Variants in MYDGF observed in about 807,000 individuals in gnomAD.
The protein encoded by MYDGF is myeloid derived growth factor, also known as myeloid-derived growth factor.
Under a neutral mutation model 24.2 loss-of-function variants are expected in MYDGF, and 29 were observed. The ratio of observed to expected loss-of-function variants is 1.20; its 90% confidence interval spans 0.89 to 1.63. The LOEUF (loss-of-function observed/expected upper bound fraction) is 1.63, where lower values mean the gene tolerates loss of function less well. Among genes scored for constraint, MYDGF ranks in the 40% most tolerant of loss-of-function variants. The probability of loss-of-function intolerance (pLI) is 0.00; values close to 1 mark genes in which losing one functional copy is unlikely to be tolerated. For synonymous variants in MYDGF, 105 were observed against 102.5 expected (o/e 1.02, Z -0.15); for missense variants, 245 against 234.8 (o/e 1.04, Z -0.29).
Position 4,657,864 on chromosome 19 carries a change from T to G in MYDGF, c.*141A>C. ...GGGCTTCAGCCACCCTGCAAGCCCCTCCGGACAAGGCAACGTCAGCCCAGG... is the reference window on the plus strand; with the variant it reads ...GGGCTTCAGCCACCCTGCAAGCCCCGCCGGACAAGGCAACGTCAGCCCAGG... On this transcript the variant is annotated 3_prime_UTR_variant, in exon 6 of 6. Transcript: ENST00000262947. 1.3e-6 allele frequency: 1 copy of G among 763,058 alleles called. No homozygotes were observed. The highest frequency in any genetic ancestry group is 2.8e-5 in the East Asian group (1 of 35,596). The allele number at this position is 763,058 out of a possible 1,614,324, so 47.3% of individuals were successfully genotyped here.
chr19:4,659,746 A>G, intron 5 of MYDGF, 185 bp downstream of exon 5: 1 of 633,762 alleles, frequency 1.6e-6, no homozygotes, highest in Non-Finnish European at 2.8e-6. Flanking sequence ...GCACAGCTCT[A>G]GACAGAACCC....
chr19:4,670,056 C>T, intron 1 of MYDGF, 105 bp downstream of exon 1: 1 of 1,256,376 alleles, frequency 8.0e-7, no homozygotes, highest in Non-Finnish European at 1.0e-6. Context: ...CTTCAGTACC[C>T]ACCTCCGCGG....
intron 1 of MYDGF, among the ~76,000 whole-genome samples, chr19:4,669,917 G>A (rs1444384546): frequency 6.6e-6 from 1 of 152,070 alleles, no homozygotes; most frequent in East Asian, 1.9e-4. Context: ...AGGTGATCAC[G>A]CCCCCTCAAC....
At chr19:4,658,316 G>A (rs912937470) in intron 5 of MYDGF, among the ~76,000 whole-genome samples, 1 of 152,188 alleles carries the variant, frequency 6.6e-6, no homozygotes, top group Non-Finnish European at 1.5e-5. Context: ...GCAGCAGGAA[G>A]CCACAGAAAG....
intron 4 of MYDGF, among the ~76,000 whole-genome samples, chr19:4,660,331 T>G (rs769676965): frequency 2.0e-5 from 3 of 152,136 alleles, no homozygotes; most frequent in Non-Finnish European, 4.4e-5. Flanking sequence ...TCTTGCTATG[T>G]TGCCTAGGCT....
At chr19:4,664,828 G>A in intron 3 of MYDGF, 48 bp downstream of exon 3, 2 of 1,600,606 alleles carry the variant, frequency 1.2e-6, no homozygotes, top group Non-Finnish European at 1.7e-6. Context: ...TGAGGCCACA[G>A]GGCAGGCCAA....
chr19:4,665,016 C>T, intron 2 of MYDGF, 79 bp from the exon 3 acceptor site: 2 of 1,472,094 alleles, frequency 1.4e-6, no homozygotes, highest in Non-Finnish European at 1.9e-6. Context: ...TCTGATTCTA[C>T]AGTCAGGCCA....
intron 1 of MYDGF, among the ~76,000 whole-genome samples, chr19:4,669,891 G>A (rs1448960122): frequency 6.6e-6 from 1 of 152,136 alleles, no homozygotes; most frequent in African/African-American, 2.4e-5. Context: ...GACACTCCAG[G>A]CAGGCGACAG....
intron 2 of MYDGF, among the ~76,000 whole-genome samples, chr19:4,668,037 C>T (rs1025662441): frequency 6.6e-6 from 1 of 152,204 alleles, no homozygotes; most frequent in African/African-American, 2.4e-5. Context: ...AAGTGATTCT[C>T]CTGCCTCAGC....
At chr19:4,666,238 G>C (rs953478708) in intron 2 of MYDGF, among the ~76,000 whole-genome samples, 1 of 151,738 alleles carries the variant, frequency 6.6e-6, no homozygotes, top group African/African-American at 2.4e-5. Context: ...TCTTACAAGT[G>C]AATGTAAATC....
chr19:4,660,125 A>C, intron 4 of MYDGF, 122 bp from the exon 5 acceptor site: 1 of 983,162 alleles, frequency 1.0e-6, no homozygotes. Context: ...AGAGATGGAG[A>C]GGAGACTTTT....
intron 2 of MYDGF, among the ~76,000 whole-genome samples, chr19:4,666,423 G>A (rs764252384): frequency 5.3e-5 from 8 of 151,914 alleles, no homozygotes; most frequent in Admixed American, 3.9e-4. Context: ...TTACAGGCGC[G>A]TGCCACCACG....
intron 2 of MYDGF, 75 bp from the exon 3 acceptor site, chr19:4,665,012 T>C: frequency 6.6e-7 from 1 of 1,506,454 alleles, no homozygotes; most frequent in East Asian, 2.4e-5. Flanking sequence ...TGCCTCTGAT[T>C]CTACAGTCAG....
intron 5 of MYDGF, 160 bp downstream of exon 5, chr19:4,659,771 C>A: frequency 1.5e-6 from 1 of 674,488 alleles, no homozygotes. Flanking sequence ...TGCCACAAAG[C>A]TGAAGATATT....
intron 5 of MYDGF, 107 bp downstream of exon 5, chr19:4,659,824 T>C: frequency 1.1e-6 from 1 of 941,266 alleles, no homozygotes. Flanking sequence ...ATGCCTGGTC[T>C]ACAGTCTCCA....
intron 5 of MYDGF, among the ~76,000 whole-genome samples, chr19:4,658,391 C>G (rs2088440840): frequency 6.6e-6 from 1 of 152,136 alleles, no homozygotes; most frequent in African/African-American, 2.4e-5. Flanking sequence ...AGAAAGGGGC[C>G]AGAAGAAGCC....
rs11148 is a variant in MYDGF at position 4,657,945 on chromosome 19, A to C, written c.*60T>G. 0.12 allele frequency: 182,439 copies of C among 1,467,640 alleles called. 20,246 individuals carry two copies. The highest frequency in any genetic ancestry group is 0.58 in the African/African-American group (41,625 of 71,230). The allele number at this position is 1,467,640 out of a possible 1,614,324, so 90.9% of individuals were successfully genotyped here. A position where few individuals can be genotyped will look rare whatever the true frequency, so the allele number is the denominator to read the frequency against. ...CAGTGATGTGCTGGCCCTTTCAGGG[A>C]CACAGGCCCCTTCAGCTTCACCGGA... On this transcript the variant is annotated 3_prime_UTR_variant, in exon 6 of 6. Transcript: ENST00000262947.
intron 2 of MYDGF, among the ~76,000 whole-genome samples, chr19:4,665,296 C>T (rs1208274030): frequency 6.6e-6 from 1 of 152,212 alleles, no homozygotes; most frequent in Non-Finnish European, 1.5e-5. Context: ...GATCTCGCCT[C>T]ACTGCAACCT....
At chr19:4,669,069 T>A (rs1308310937) in intron 1 of MYDGF, among the ~76,000 whole-genome samples, 1 of 152,208 alleles carries the variant, frequency 6.6e-6, no homozygotes, top group African/African-American at 2.4e-5. Flanking sequence ...TGAAAACTTT[T>A]CTGAGCCTCT....
Sources: allele counts gnomAD v4.1 joint callset (sites outside exome capture counted in the v4.1 genomes callset), GRCh38; gene constraint gnomAD v4.1.1; transcripts MANE v1.5; gene names NCBI Gene and HGNC (gene_info 2026-07-23, HGNC 2026-07-21).